ANK3: variants seen among roughly 807,000 people sequenced by gnomAD.
ANK3 encodes ankyrin 3.
A neutral mutation model predicts 370.9 loss-of-function variants in ANK3; 57 were observed. The ratio of observed to expected loss-of-function variants is 0.15; its 90% CI spans 0.12 to 0.19. The LOEUF is 0.19. ANK3 is among the 10% of genes least tolerant of loss of function. ANK3 has a pLI of 1.00. For missense variants in ANK3, 4,439 were observed against 5,302.1 expected, an observed-to-expected ratio of 0.84 and a Z score of 5.06; for synonymous variants, 1,929 against 1,946.3, an observed-to-expected ratio of 0.99 and a Z score of 0.23.
At chr10:60,411,870 A>G (rs2063567186) in intron 2 of ANK3, among the ~76,000 whole-genome samples, 1 of 152,206 alleles carries the variant, frequency 6.6e-6, no homozygotes, top group Non-Finnish European at 1.5e-5. Context: ...AGTACTATAT[A>G]AAAATAAGGA....
chr10:60,550,452 A>G (rs905075858), intron 2 of ANK3, among the ~76,000 whole-genome samples: 3 of 151,926 alleles, frequency 2.0e-5, no homozygotes, highest in African/African-American at 7.2e-5. Flanking sequence ...TAGAGTTTTT[A>G]AAAGAGTATA....
chr10:60,205,135 A>T (rs1198523204), intron 11 of ANK3, among the ~76,000 whole-genome samples: 3 of 152,176 alleles, frequency 2.0e-5, no homozygotes, highest in Admixed American at 2.0e-4. Context: ...CACAGCCCTG[A>T]TTCTGATGGA....
chr10:60,592,044 T>C (rs1043094722), intron 2 of ANK3, among the ~76,000 whole-genome samples: 19 of 152,156 alleles, frequency 1.2e-4, no homozygotes, highest in Admixed American at 9.8e-4. Context: ...TCAATAATAA[T>C]TTAATTGTAT....
At position 60,041,284 on chromosome 10, in the gene ANK3, G is replaced by A. The variant is rs534673048; in HGVS notation, c.*19+1388C>T. ...CCTTAGTGGTTTCCCACTGCTTTTC[G>A]GGTACAGCCCAGAATCCTTACAGGG... On this transcript the variant is annotated intron_variant, in intron 43 of 43. Coordinates refer to ENST00000280772, the MANE Select transcript of ANK3 (RefSeq NM_020987.5). 2.6e-5 allele frequency among the ~76,000 whole-genome samples: 4 copies of A among 152,168 alleles called. No homozygotes were observed. The South Asian group carries it at 6.2e-4, about 24-fold the overall frequency.
intron 1 of ANK3, among the ~76,000 whole-genome samples, chr10:60,646,073 T>C (rs1362331039): frequency 6.6e-6 from 1 of 152,048 alleles, no homozygotes; most frequent in African/African-American, 2.4e-5. Context: ...GACACTGGGT[T>C]GGGGGCCTTC....
chr10:60,667,427 C>T (rs1360135783), intron 1 of ANK3, among the ~76,000 whole-genome samples: 1 of 152,000 alleles, frequency 6.6e-6, no homozygotes. Context: ...AAAACTAACA[C>T]ATTAAAAACA....
At chr10:60,225,663 C>T (rs897708050) in intron 8 of ANK3, among the ~76,000 whole-genome samples, 2 of 152,052 alleles carry the variant, frequency 1.3e-5, no homozygotes, top group African/African-American at 4.8e-5. Flanking sequence ...TGTTCTACTG[C>T]CATACCGCCT....
At chr10:60,261,035 G>A (rs1045111192) in intron 7 of ANK3, among the ~76,000 whole-genome samples, 9 of 152,126 alleles carry the variant, frequency 5.9e-5, no homozygotes, top group African/African-American at 1.9e-4. Flanking sequence ...TTTCAGTGAC[G>A]CAGTGAGGGA....
At chr10:60,271,896 GGT>G (rs1272242967) in intron 4 of ANK3, among the ~76,000 whole-genome samples, 2 of 150,414 alleles carry the variant, frequency 1.3e-5, no homozygotes, top group Non-Finnish European at 3.0e-5. Context: ...TAACAAGTTA[GGT>G]GATCTAGTTG....
intron 2 of ANK3, among the ~76,000 whole-genome samples, chr10:60,481,572 C>T (rs1385926482): frequency 6.6e-6 from 1 of 152,156 alleles, no homozygotes; most frequent in East Asian, 1.9e-4. Flanking sequence ...AAGCAATTCT[C>T]CTGCCTCAGC....
intron 1 of ANK3, among the ~76,000 whole-genome samples, chr10:60,715,735 C>A (rs1286948029): frequency 6.6e-6 from 1 of 152,110 alleles, no homozygotes; most frequent in Non-Finnish European, 1.5e-5. Flanking sequence ...TGCATATTTG[C>A]AACTCTATTC....
chr10:60,111,315 T>C (rs549816462), intron 26 of ANK3, among the ~76,000 whole-genome samples: 1 of 152,322 alleles, frequency 6.6e-6, no homozygotes, highest in Admixed American at 6.5e-5. Context: ...ACATGGCTGG[T>C]GCTCACCAGC....
intron 23 of ANK3, among the ~76,000 whole-genome samples, chr10:60,164,889 T>C (rs1350653864): frequency 6.6e-6 from 1 of 152,118 alleles, no homozygotes; most frequent in Non-Finnish European, 1.5e-5. Context: ...CCTGGACACA[T>C]TAAAGTAAGG....
At chr10:60,449,775 T>C (rs1218871316) in intron 2 of ANK3, among the ~76,000 whole-genome samples, 1 of 152,164 alleles carries the variant, frequency 6.6e-6, no homozygotes, top group African/African-American at 2.4e-5. Flanking sequence ...CTTTTATGGA[T>C]TAGGTGCTCT....
At chr10:60,080,017 G>A (rs963490435) in intron 36 of ANK3, among the ~76,000 whole-genome samples, 2 of 152,052 alleles carry the variant, frequency 1.3e-5, no homozygotes, top group Non-Finnish European at 2.9e-5. Flanking sequence ...GTGAGAGGGA[G>A]GGAGGGAGGA....
intron 2 of ANK3, among the ~76,000 whole-genome samples, chr10:60,478,212 G>A (rs2075122416): frequency 6.6e-6 from 1 of 151,998 alleles, no homozygotes; most frequent in Admixed American, 6.6e-5. Flanking sequence ...AACCTGAAGA[G>A]GTTATTAGTC....
chr10:60,319,149 G>GA (rs1309652618), intron 1 of ANK3, among the ~76,000 whole-genome samples: 2 of 151,658 alleles, frequency 1.3e-5, no homozygotes, highest in African/African-American at 2.4e-5. Flanking sequence ...TCTTGCCTTT[G>GA]AAAAAAAACA....
intron 23 of ANK3, chr10:60,140,816 G>T: frequency 1.0e-6 from 1 of 999,356 alleles, no homozygotes; most frequent in East Asian, 1.1e-4. Flanking sequence ...ACCAATGCGC[G>T]TTGCCTAGTC....
intron 23 of ANK3, among the ~76,000 whole-genome samples, chr10:60,145,591 A>G (rs1444558324): frequency 6.6e-6 from 1 of 152,194 alleles, no homozygotes; most frequent in Non-Finnish European, 1.5e-5. Context: ...ATAATCTTAT[A>G]AAACAGAATT....
Sources: gnomAD v4.1 joint callset for allele counts (sites outside exome capture counted in the v4.1 genomes callset) on GRCh38, gnomAD v4.1.1 for gene constraint, MANE v1.5 for transcripts, NCBI Gene and HGNC (gene_info 2026-07-23, HGNC 2026-07-21) for gene names.